The following COL25A1 variants were observed in gnomAD, a reference collection of about 807,000 sequenced individuals.
The protein encoded by COL25A1 is collagen type XXV alpha 1 chain.
Under a neutral mutation model 128.4 loss-of-function variants are expected in COL25A1, and 103 were observed. The observed-to-expected ratio is 0.80, with a 90% CI of 0.68 to 0.94. The LOEUF (loss-of-function observed/expected upper bound fraction) is 0.94. Among genes scored for constraint, COL25A1 ranks in the 40% least tolerant of loss-of-function variants. COL25A1 has a pLI of 0.00. For synonymous variants in COL25A1, 279 were observed against 277.2 expected, an observed-to-expected ratio of 1.01 and a Z score of -0.06; for missense variants, 745 against 840.0, an observed-to-expected ratio of 0.89 and a Z score of 1.40.
chr4:109,057,727 T>C (rs1242249047), intron 3 of COL25A1, among the ~76,000 whole-genome samples: 1 of 152,170 alleles, frequency 6.6e-6, no homozygotes, highest in East Asian at 1.9e-4. Flanking sequence ...GAGTTTCTAC[T>C]CCTGTGGAGA....
At chr4:109,133,326 C>G (rs1769402352) in intron 3 of COL25A1, among the ~76,000 whole-genome samples, 1 of 151,886 alleles carries the variant, frequency 6.6e-6, no homozygotes, top group African/African-American at 2.4e-5. Flanking sequence ...AACACTAGAC[C>G]TTATTGTAAT....
At chr4:109,290,441 G>A (rs1724353806) in intron 3 of COL25A1, among the ~76,000 whole-genome samples, 1 of 151,930 alleles carries the variant, frequency 6.6e-6, no homozygotes, top group African/African-American at 2.4e-5. Context: ...TAAAAGTCCT[G>A]GTCTCTTTAT....
chr4:109,124,226 G>A (rs1328387336), intron 3 of COL25A1, among the ~76,000 whole-genome samples: 1 of 151,830 alleles, frequency 6.6e-6, no homozygotes, highest in Non-Finnish European at 1.5e-5. Flanking sequence ...CAGTAAGATG[G>A]TTATTCAGCT....
chr4:108,832,466 G>A (rs372508497), intron 31 of COL25A1, 33 bp from the exon 32 acceptor site: 3 of 1,434,724 alleles, frequency 2.1e-6, no homozygotes, highest in South Asian at 1.2e-5. Flanking sequence ...TATATCACAA[G>A]GGCTGCAAGA....
At chr4:109,102,703 G>A (rs902751674) in intron 3 of COL25A1, among the ~76,000 whole-genome samples, 6 of 152,014 alleles carry the variant, frequency 3.9e-5, no homozygotes, top group Admixed American at 6.6e-5. Flanking sequence ...ATACATTTAG[G>A]ATTGTCATGT....
At chr4:109,031,673 A>G (rs1014502300) in intron 5 of COL25A1, among the ~76,000 whole-genome samples, 5 of 152,156 alleles carry the variant, frequency 3.3e-5, no homozygotes, top group African/African-American at 1.2e-4. Flanking sequence ...TCTCATTTTG[A>G]CCAAATCAAG....
chr4:109,009,125 A>AAAAAC (rs879653158), intron 6 of COL25A1, among the ~76,000 whole-genome samples: 4 of 152,218 alleles, frequency 2.6e-5, no homozygotes, highest in Non-Finnish European at 4.4e-5. Flanking sequence ...CCGTCTCAGA[A>AAAAAC]AAAACAAAAC....
chr4:108,949,699 AT>A (rs369710278), intron 8 of COL25A1, among the ~76,000 whole-genome samples: 6,567 of 150,756 alleles, frequency 0.044, 369 homozygotes, highest in African/African-American at 0.13. Flanking sequence ...ACGCCTGCTA[AT>A]TTTTTTTTGC....
rs868234273 is a variant in COL25A1 at position 109,228,688 on chromosome 4, A to C, written c.367+71895T>G. Among the ~76,000 whole-genome samples the C allele has an allele frequency of 1.6e-4, 24 of 152,290 alleles. No homozygotes were observed. In the Middle Eastern group the frequency reaches 0.024, roughly 151 times the overall value. ...TTTCTTAAGCCATCAGAGCAGGCAA[A>C]AATGAATTTCACCCAGGCTTTTCCT... is the stretch of plus-strand genomic sequence containing the variant. On this transcript the variant is annotated intron_variant, in intron 3 of 37. Transcript: ENST00000399132.
chr4:109,148,801 G>A lies in COL25A1; in HGVS notation c.368-98622C>T, dbSNP rs112395227. On this transcript the variant is annotated intron_variant, in intron 3 of 37. Transcript: ENST00000399132. ...AGTTTCCCCTGCTGCCCCTCCTCCA[G>A]CCAGGTCTAACTGTGTAGCTGCCCA... 1.4e-3 allele frequency among the ~76,000 whole-genome samples: 209 copies of A among 152,148 alleles called. 1 individual carries two copies. The highest frequency in any genetic ancestry group is 4.9e-3 in the African/African-American group (203 of 41,502).
chr4:108,910,864 T>C (rs185974531), intron 13 of COL25A1, among the ~76,000 whole-genome samples: 12 of 152,286 alleles, frequency 7.9e-5, no homozygotes, highest in Middle Eastern at 6.8e-3. Context: ...ATATACTGCT[T>C]CTATTCTCTG....
chr4:109,080,277 G>C (rs1280222490), intron 3 of COL25A1, among the ~76,000 whole-genome samples: 2 of 152,086 alleles, frequency 1.3e-5, no homozygotes, highest in East Asian at 3.8e-4. Flanking sequence ...AGTAGAGTTA[G>C]GAAGTCTGGC....
At chr4:109,252,258 C>T (rs1320201035) in intron 3 of COL25A1, among the ~76,000 whole-genome samples, 1 of 152,240 alleles carries the variant, frequency 6.6e-6, no homozygotes, top group Non-Finnish European at 1.5e-5. Flanking sequence ...AGGTAGCTGG[C>T]TGATCACCCT....
chr4:109,141,520 T>C (rs1052885794), intron 3 of COL25A1, among the ~76,000 whole-genome samples: 1 of 152,202 alleles, frequency 6.6e-6, no homozygotes, highest in Non-Finnish European at 1.5e-5. Flanking sequence ...TACCAGCTCC[T>C]CTTTGTACCT....
At chr4:109,013,318 T>C (rs1756846242) in intron 5 of COL25A1, among the ~76,000 whole-genome samples, 1 of 102,716 alleles carries the variant, frequency 9.7e-6, no homozygotes, top group Admixed American at 1.1e-4. Context: ...CAATCAGCAC[T>C]CTGTTTCTAG....
At chr4:109,104,955 T>C (rs1486964809) in intron 3 of COL25A1, among the ~76,000 whole-genome samples, 2 of 152,168 alleles carry the variant, frequency 1.3e-5, no homozygotes, top group South Asian at 2.1e-4. Flanking sequence ...AATGGTATTG[T>C]GGTTATGGTA....
intron 32 of COL25A1, among the ~76,000 whole-genome samples, chr4:108,829,227 A>G (rs973984905): frequency 6.6e-6 from 1 of 152,130 alleles, no homozygotes; most frequent in African/African-American, 2.4e-5. Flanking sequence ...GAATGGAGCA[A>G]AGGACGGGCG....
intron 18 of COL25A1, among the ~76,000 whole-genome samples, chr4:108,885,958 C>G (rs940033207): frequency 6.6e-6 from 1 of 152,064 alleles, no homozygotes; most frequent in Non-Finnish European, 1.5e-5. Context: ...TATTTAAACA[C>G]GCATGCATAC....
intron 22 of COL25A1, among the ~76,000 whole-genome samples, 193 bp from the exon 23 acceptor site, chr4:108,861,164 A>T (rs1351499898): frequency 2.0e-5 from 3 of 152,050 alleles, no homozygotes; most frequent in Non-Finnish European, 4.4e-5. Context: ...TCCTTTTTTT[A>T]AAAAACTCCC....
Sources: gnomAD v4.1 joint callset for allele counts (sites outside exome capture counted in the v4.1 genomes callset) on GRCh38, gnomAD v4.1.1 for gene constraint, MANE v1.5 for transcripts, NCBI Gene and HGNC (gene_info 2026-07-23, HGNC 2026-07-21) for gene names.